The following CCDC6 variants were observed in gnomAD, a reference collection of about 807,000 sequenced individuals.
CCDC6 encodes the protein coiled-coil domain-containing protein 6.
In CCDC6, 20 loss-of-function variants were observed where a neutral mutation model predicts 56.6. The observed-to-expected ratio is 0.35, with a 90% CI of 0.25 to 0.51. CCDC6 has a LOEUF of 0.51. Among genes scored for constraint, CCDC6 ranks in the 20% least tolerant of loss-of-function variants. The probability of loss-of-function intolerance (pLI) is 0.95; values close to 1 mark genes in which losing one functional copy is unlikely to be tolerated. For synonymous variants in CCDC6, 241 were observed against 234.4 expected, an observed-to-expected ratio of 1.03 and a Z score of -0.26; for missense variants, 367 against 601.1, an observed-to-expected ratio of 0.61 and a Z score of 4.07.
At chr10:59,818,499 G>GGGGC (rs748110200) in intron 3 of CCDC6, among the ~76,000 whole-genome samples, 1 of 116,074 alleles carries the variant, frequency 8.6e-6, no homozygotes, top group South Asian at 2.9e-4. Context: ...TGTTGACGGG[G>GGGGC]GGGGGGGAAG....
intron 3 of CCDC6, among the ~76,000 whole-genome samples, chr10:59,818,620 C>T (rs1480752504): frequency 2.0e-5 from 3 of 151,748 alleles, no homozygotes; most frequent in Middle Eastern, 3.4e-3. Context: ...GATGTGCAAT[C>T]GGCATGTCTA....
chr10:59,802,841 A>T (rs534363751), intron 7 of CCDC6, among the ~76,000 whole-genome samples: 3 of 152,214 alleles, frequency 2.0e-5, no homozygotes, highest in Admixed American at 6.5e-5. Context: ...TGATTGCAAC[A>T]ATCTCTTTAA....
At chr10:59,832,997 G>A (rs1306979138) in intron 2 of CCDC6, among the ~76,000 whole-genome samples, 7 of 152,206 alleles carry the variant, frequency 4.6e-5, no homozygotes, top group Non-Finnish European at 1.0e-4. Flanking sequence ...CATCATGTAT[G>A]TAGACAGAGA....
chr10:59,882,703 G>A (rs2132676374), intron 1 of CCDC6, among the ~76,000 whole-genome samples: 1 of 152,316 alleles, frequency 6.6e-6, no homozygotes, highest in South Asian at 2.1e-4. Flanking sequence ...GCTCACGCCT[G>A]TAATCCCAAC....
chr10:59,821,708 T>C (rs574522031), intron 3 of CCDC6, among the ~76,000 whole-genome samples: 1 of 152,260 alleles, frequency 6.6e-6, no homozygotes, highest in South Asian at 2.1e-4. Context: ...GAGTGGTCAC[T>C]TCCTAGACTA....
rs999656111 is a variant in CCDC6 at position 59,791,161 on chromosome 10, C to T, written c.*1756G>A. 1 of 196,742 alleles carries T rather than the reference C, an allele frequency of 5.1e-6. No individual in the cohort carries two copies. Among genetic ancestry groups the T allele is most frequent in the Non-Finnish European group, 1.1e-5 (1 of 94,906 alleles). The allele number at this position is 196,742 out of a possible 1,614,324, so 12.2% of individuals were successfully genotyped here. A position where few individuals can be genotyped will look rare whatever the true frequency, so the allele number is the denominator to read the frequency against. On this transcript the variant is annotated 3_prime_UTR_variant, in exon 9 of 9. Transcript: ENST00000263102. ...AATGATTAAATGCCAAACTTCTTCC[C>T]TGCATCTGAGAACTGTATTATGATT...
At chr10:59,872,494 G>A (rs897745058) in intron 1 of CCDC6, among the ~76,000 whole-genome samples, 1 of 152,194 alleles carries the variant, frequency 6.6e-6, no homozygotes, top group Non-Finnish European at 1.5e-5. Flanking sequence ...GTGTCCAGGG[G>A]TTGGGCTTCT....
chr10:59,842,326 TG>T (rs2070947330), intron 2 of CCDC6, among the ~76,000 whole-genome samples: 1 of 152,152 alleles, frequency 6.6e-6, no homozygotes, highest in Non-Finnish European at 1.5e-5. Flanking sequence ...GGATTACAGG[TG>T]TGAGCCACCG....
At position 59,822,470 on chromosome 10, in the gene CCDC6, T is replaced by C. The variant is rs563802700; in HGVS notation, c.583-7715A>G. On this transcript the variant is annotated intron_variant, in intron 3 of 8. Coordinates refer to ENST00000263102, the MANE Select transcript of CCDC6 (RefSeq NM_005436.5). ...ATAATTGCCGTTTAGGGAAAGCAAG[T>C]TTCACAGTATTGTGTATACATTCTT... Among the ~76,000 whole-genome samples the C allele has an allele frequency of 2.0e-5, 3 of 152,326 alleles. No individual in the cohort carries two copies. In the South Asian group the frequency reaches 6.2e-4, roughly 32 times the overall value.
At chr10:59,822,373 CA>C (rs2070755784) in intron 3 of CCDC6, among the ~76,000 whole-genome samples, 1 of 144,440 alleles carries the variant, frequency 6.9e-6, no homozygotes, top group Non-Finnish European at 1.6e-5. Context: ...ACATTTTCAT[CA>C]CTTTAACATC....
intron 1 of CCDC6, among the ~76,000 whole-genome samples, chr10:59,883,463 T>C (rs541044361): frequency 3.0e-4 from 45 of 152,256 alleles, no homozygotes; most frequent in Non-Finnish European, 5.0e-4. Flanking sequence ...ATACCATTCA[T>C]GGCAGCCATC....
intron 1 of CCDC6, among the ~76,000 whole-genome samples, chr10:59,878,409 T>C (rs1386387596): frequency 2.0e-5 from 3 of 152,166 alleles, no homozygotes; most frequent in Non-Finnish European, 4.4e-5. Context: ...TCCTTCCCTT[T>C]CCTTTCTTGA....
At chr10:59,867,817 T>C (rs2071189974) in intron 1 of CCDC6, among the ~76,000 whole-genome samples, 1 of 152,170 alleles carries the variant, frequency 6.6e-6, no homozygotes. Context: ...ATTCTGCTCA[T>C]CTCAGCCTAC....
intron 5 of CCDC6, among the ~76,000 whole-genome samples, chr10:59,811,319 C>T (rs2070670274): frequency 6.6e-6 from 1 of 152,174 alleles, no homozygotes; most frequent in Non-Finnish European, 1.5e-5. Context: ...AGGTAGGAAC[C>T]ACTGAACTTT....
At chr10:59,893,580 C>T (rs118008642) in intron 1 of CCDC6, among the ~76,000 whole-genome samples, 2,554 of 151,928 alleles carry the variant, frequency 0.017, 30 homozygotes, top group Middle Eastern at 0.044. Context: ...CACTCCAGCC[C>T]GGGTGAAAGA....
Position 59,869,908 on chromosome 10 carries a change from T to G in CCDC6, c.304-17206A>C, listed in dbSNP as rs1176029522. ...CCACACATGCCACACTCATGATCCC[T>G]GTTGTGGTATCCAGGTACTAGCTAG... On this transcript the variant is annotated intron_variant, in intron 1 of 8. Coordinates refer to ENST00000263102, the MANE Select transcript of CCDC6 (RefSeq NM_005436.5). 2.0e-5 allele frequency among the ~76,000 whole-genome samples: 3 copies of G among 152,154 alleles called. 1 individual carries two copies. The highest frequency in any genetic ancestry group is 7.2e-5 in the African/African-American group (3 of 41,444).
rs760255160 is a variant in CCDC6, at chr10:59,789,123, AG to A, written c.*3793del. ...TCAACCTGACCAGATACTCTTCTGG[AG>A]GAATGCATTCTTAAACTGTTGTGCC... is the stretch of plus-strand genomic sequence containing the variant. On this transcript the variant is annotated 3_prime_UTR_variant, in exon 9 of 9. Transcript: ENST00000263102. 1.3e-4 allele frequency: 30 copies of A among 228,966 alleles called. No homozygotes were observed. Among genetic ancestry groups the A allele is most frequent in the Non-Finnish European group, 2.3e-4 (27 of 115,222 alleles). 14.2% of individuals were successfully genotyped at this position (228,966 alleles called of 1,614,324 possible).
intron 7 of CCDC6, among the ~76,000 whole-genome samples, chr10:59,801,119 A>G (rs2070571485): frequency 6.6e-6 from 1 of 152,156 alleles, no homozygotes; most frequent in African/African-American, 2.4e-5. Flanking sequence ...TGGATGAAAG[A>G]ATTCTGGATG....
At chr10:59,852,181 C>T (rs544503285) in intron 2 of CCDC6, among the ~76,000 whole-genome samples, 1 of 152,272 alleles carries the variant, frequency 6.6e-6, no homozygotes, top group East Asian at 1.9e-4. Flanking sequence ...AAAAGACCCA[C>T]CTATGACTGC....
Sources: gnomAD v4.1 joint callset for allele counts (sites outside exome capture counted in the v4.1 genomes callset) on GRCh38, gnomAD v4.1.1 for gene constraint, MANE v1.5 for transcripts, NCBI Gene and HGNC (gene_info 2026-07-23, HGNC 2026-07-21) for gene names.